The following PATJ variants were observed in gnomAD, a reference collection of about 807,000 sequenced individuals.
PATJ encodes the protein inaD-like protein.
A neutral mutation model predicts 224.9 loss-of-function variants in PATJ; 190 were observed. The observed-to-expected ratio is 0.84, with a 90% CI of 0.75 to 0.95. The LOEUF (loss-of-function observed/expected upper bound fraction) is 0.95, where lower values mean the gene tolerates loss of function less well. Ranked by LOEUF, PATJ falls within the 40% of genes least tolerant of loss-of-function variation. The probability of loss-of-function intolerance (pLI) is 0.00; values close to 1 mark genes in which losing one functional copy is unlikely to be tolerated. For synonymous variants in PATJ, 769 were observed against 820.3 expected, an observed-to-expected ratio of 0.94 and a Z score of 1.07; for missense variants, 2,121 against 2,270.3, an observed-to-expected ratio of 0.93 and a Z score of 1.34.
chr1:61,795,163 TGA>T (rs1268946564), intron 9 of PATJ, among the ~76,000 whole-genome samples: 1 of 148,984 alleles, frequency 6.7e-6, no homozygotes, highest in East Asian at 2.0e-4. Flanking sequence ...AGAGACAGAC[TGA>T]GAGAGAGTCA....
chr1:62,075,715 T>C (rs560649799), intron 31 of PATJ, among the ~76,000 whole-genome samples: 1 of 152,126 alleles, frequency 6.6e-6, no homozygotes, highest in South Asian at 2.1e-4. Context: ...TCAGGAGATC[T>C]AGACCATTCT....
chr1:61,908,431 T>C lies in PATJ; in HGVS notation c.3441T>C (p.Asn1147=), dbSNP rs760218499. Residue 1147 remains asparagine (N), a synonymous_variant, in exon 25 of 44, where the codon AAT becomes AAC. Coordinates refer to ENST00000642238, the MANE Select transcript of PATJ (RefSeq NM_001350145.3). ...SHSEAVEAIK[N]AGNPVVFIVQ... ...GCGAAGCAGTTGAGGCCATTAAGAA[T>C]GCAGGAAACCCTGTGGTGTTCATTG... The C allele has an allele frequency of 2.5e-6, 4 of 1,613,956 alleles. No homozygotes were observed. Among genetic ancestry groups the C allele is most frequent in the East Asian group, 2.2e-5 (1 of 44,886 alleles).
chr1:62,014,855 CT>C (rs1646678046), intron 28 of PATJ, among the ~76,000 whole-genome samples: 1 of 152,174 alleles, frequency 6.6e-6, no homozygotes, highest in Non-Finnish European at 1.5e-5. Flanking sequence ...CTGTGAGCCT[CT>C]GCACCTGGCC....
At chr1:61,871,525 A>ATGTG (rs1403314055) in intron 20 of PATJ, among the ~76,000 whole-genome samples, 92 of 118,498 alleles carry the variant, frequency 7.8e-4, no homozygotes, top group Middle Eastern at 4.3e-3. Context: ...ATATATAAAT[A>ATGTG]TGTGTGTGTG....
At chr1:61,816,300 T>A (rs1656095578) in intron 14 of PATJ, 1 of 152,162 alleles carries the variant, frequency 6.6e-6, no homozygotes, top group South Asian at 2.1e-4. Context: ...ACCTTATTGG[T>A]CAGCAAGCAT....
intron 30 of PATJ, among the ~76,000 whole-genome samples, chr1:62,048,256 GAAAGA>G (rs1020512069): frequency 7.2e-5 from 11 of 152,010 alleles, no homozygotes; most frequent in Non-Finnish European, 1.5e-4. Context: ...AACAAAGAAA[GAAAGA>G]AAAGGCCGGG....
intron 16 of PATJ, among the ~76,000 whole-genome samples, chr1:61,832,401 T>G (rs1294158771): frequency 2.0e-5 from 3 of 152,180 alleles, no homozygotes; most frequent in South Asian, 2.1e-4. Flanking sequence ...TTATAGAGGG[T>G]TTTTCCCTTC....
rs543070979 is a variant in PATJ, at chr1:61,963,454, G to A, written c.3671-26714G>A. On this transcript the variant is annotated intron_variant, in intron 27 of 43. Coordinates refer to ENST00000642238, the MANE Select transcript of PATJ (RefSeq NM_001350145.3). ...TACTAAAAATACAAAAAATTAGCTGGGCGTGGTGTTGCACATCTGTAGTCC... is the reference window on the plus strand; with the variant it reads ...TACTAAAAATACAAAAAATTAGCTGAGCGTGGTGTTGCACATCTGTAGTCC... 7.2e-5 allele frequency among the ~76,000 whole-genome samples: 11 copies of A among 152,128 alleles called. 2 individuals are homozygous for A. The South Asian group carries it at 1.9e-3, about 26-fold the overall frequency.
intron 31 of PATJ, chr1:62,054,382 T>A (rs1394510293): frequency 4.6e-6 from 2 of 437,436 alleles, no homozygotes; most frequent in Non-Finnish European, 9.1e-6. Context: ...AAAAGTTATT[T>A]TCAGAGCTGA....
rs1653653649 is a variant in PATJ at position 62,051,670 on chromosome 1, A to T, written c.4125+612A>T. Among the ~76,000 whole-genome samples, 3 of 152,128 alleles carry T rather than the reference A, an allele frequency of 2.0e-5. No homozygotes were observed. In the South Asian group the frequency reaches 6.2e-4, roughly 32 times the overall value. ...TCTGGTTTAATATTGGATTTTTATAAGGCCAGAGCTGTGCTTAATTAGTCC... is the reference window on the plus strand; with the variant it reads ...TCTGGTTTAATATTGGATTTTTATATGGCCAGAGCTGTGCTTAATTAGTCC... On this transcript the variant is annotated intron_variant, in intron 31 of 43. Coordinates refer to ENST00000642238, the MANE Select transcript of PATJ (RefSeq NM_001350145.3).
chr1:61,867,047 C>G (rs1665539257), intron 20 of PATJ, among the ~76,000 whole-genome samples: 1 of 152,280 alleles, frequency 6.6e-6, no homozygotes. Flanking sequence ...TGGGTTTTGG[C>G]TGGCTTCTTT....
chr1:62,064,209 G>C (rs564493215), intron 31 of PATJ, among the ~76,000 whole-genome samples: 1 of 152,088 alleles, frequency 6.6e-6, no homozygotes, highest in African/African-American at 2.4e-5. Flanking sequence ...TATCATGAAG[G>C]TATGTTGGAT....
At chr1:62,062,087 T>C (rs1341181754) in intron 31 of PATJ, among the ~76,000 whole-genome samples, 1 of 152,186 alleles carries the variant, frequency 6.6e-6, no homozygotes, top group Non-Finnish European at 1.5e-5. Context: ...ATAACTTATT[T>C]TCCTTTGGTT....
At chr1:61,968,708 G>A (rs1485680401) in intron 27 of PATJ, among the ~76,000 whole-genome samples, 7 of 151,346 alleles carry the variant, frequency 4.6e-5, no homozygotes, top group Non-Finnish European at 8.8e-5. Context: ...ATCCCTCCCC[G>A]CTCCCACCAC....
chr1:62,099,262 A>G (rs560279992), intron 33 of PATJ, among the ~76,000 whole-genome samples: 1 of 151,638 alleles, frequency 6.6e-6, no homozygotes, highest in African/African-American at 2.4e-5. Context: ...TAAAAGCTAC[A>G]TCCTTCCTCC....
chr1:61,872,298 G>C (rs184968332), intron 20 of PATJ, among the ~76,000 whole-genome samples: 4 of 151,982 alleles, frequency 2.6e-5, no homozygotes, highest in Admixed American at 2.0e-4. Context: ...TGTTCCTTAG[G>C]CTCCATTAGT....
At chr1:61,749,036 G>A (rs1363084862) in intron 1 of PATJ, among the ~76,000 whole-genome samples, 1 of 151,614 alleles carries the variant, frequency 6.6e-6, no homozygotes, top group Non-Finnish European at 1.5e-5. Context: ...CAGTGCTGTG[G>A]CACCATCTTG....
intron 20 of PATJ, among the ~76,000 whole-genome samples, chr1:61,870,527 C>G (rs752535948): frequency 6.6e-6 from 1 of 152,138 alleles, no homozygotes; most frequent in Non-Finnish European, 1.5e-5. Flanking sequence ...TGTCAGGGAC[C>G]TGCCCTTAAA....
intron 22 of PATJ, among the ~76,000 whole-genome samples, chr1:61,886,445 T>C (rs551150948): frequency 6.6e-6 from 1 of 152,038 alleles, no homozygotes; most frequent in African/African-American, 2.4e-5. Context: ...GTTAGTAGAG[T>C]AGATTTCAGA....
Sources: gnomAD v4.1 joint callset for allele counts (sites outside exome capture counted in the v4.1 genomes callset) on GRCh38, gnomAD v4.1.1 for gene constraint, MANE v1.5 for transcripts, NCBI Gene and HGNC (gene_info 2026-07-23, HGNC 2026-07-21) for gene names.